GRID1: variants seen among roughly 807,000 people sequenced by gnomAD.
GRID1 encodes glutamate receptor ionotropic, delta-1.
In GRID1, 28 loss-of-function variants were observed where a neutral mutation model predicts 98.0. That is an observed-to-expected ratio of 0.29 (90% CI 0.21 to 0.39). GRID1 has a LOEUF of 0.39. Ranked by LOEUF, GRID1 falls within the 10% of genes least tolerant of loss-of-function variation. The pLI, the probability that GRID1 is intolerant of heterozygous loss-of-function variation, is 1.00. For synonymous variants in GRID1, 553 were observed against 538.5 expected (o/e 1.03, Z -0.37); for missense variants, 1,111 against 1,340.5 (o/e 0.83, Z 2.67).
chr10:85,853,980 C>A, intron 8 of GRID1, among the ~76,000 whole-genome samples: 1 of 152,236 alleles, frequency 6.6e-6, no homozygotes. Context: ...AAACCTCAGT[C>A]TGAGTTGTTC....
chr10:86,028,519 G>A (rs1342354236), intron 4 of GRID1, among the ~76,000 whole-genome samples: 1 of 152,180 alleles, frequency 6.6e-6, no homozygotes, highest in Non-Finnish European at 1.5e-5. Context: ...TAGAAATGAT[G>A]AGAACTATCT....
intron 8 of GRID1, among the ~76,000 whole-genome samples, chr10:85,840,591 T>C (rs1043307635): frequency 4.6e-5 from 7 of 152,136 alleles, no homozygotes; most frequent in Admixed American, 4.6e-4. Context: ...GAAAACCACA[T>C]AGACTCTGAT....
intron 6 of GRID1, among the ~76,000 whole-genome samples, chr10:85,859,236 T>G (rs1274084169): frequency 6.6e-6 from 1 of 152,254 alleles, no homozygotes; most frequent in African/African-American, 2.4e-5. Context: ...TGGTGCTTAA[T>G]GTATGTTTCA....
At chr10:85,791,847 T>C (rs1842483573) in intron 8 of GRID1, among the ~76,000 whole-genome samples, 1 of 151,540 alleles carries the variant, frequency 6.6e-6, no homozygotes, top group Admixed American at 6.6e-5. Flanking sequence ...GAAAAGCAAA[T>C]AGTTCAGCTT....
intron 4 of GRID1, among the ~76,000 whole-genome samples, chr10:86,133,795 G>A (rs1026280155): frequency 6.6e-6 from 1 of 152,216 alleles, no homozygotes; most frequent in East Asian, 1.9e-4. Context: ...CTAGTTACAG[G>A]GACAGATTAT....
intron 5 of GRID1, among the ~76,000 whole-genome samples, chr10:85,876,134 T>A (rs1255674943): frequency 6.6e-6 from 1 of 152,236 alleles, no homozygotes; most frequent in Non-Finnish European, 1.5e-5. Flanking sequence ...TTCCCACAGC[T>A]GCATTAACAA....
intron 2 of GRID1, among the ~76,000 whole-genome samples, chr10:86,251,457 C>G (rs1846830769): frequency 6.6e-6 from 1 of 152,302 alleles, no homozygotes; most frequent in South Asian, 2.1e-4. Flanking sequence ...TCCTCATACC[C>G]GAGGCTCAGT....
At chr10:85,785,511 T>C (rs566035994) in intron 8 of GRID1, among the ~76,000 whole-genome samples, 1 of 152,322 alleles carries the variant, frequency 6.6e-6, no homozygotes, top group African/African-American at 2.4e-5. Flanking sequence ...TTCCCCTCCA[T>C]AAGCTGGATG....
intron 8 of GRID1, among the ~76,000 whole-genome samples, chr10:85,819,738 AC>A (rs1254411165): frequency 6.6e-6 from 1 of 151,888 alleles, no homozygotes; most frequent in East Asian, 1.9e-4. Flanking sequence ...ACACGGTGAA[AC>A]CCTGTCTCTA....
intron 8 of GRID1, among the ~76,000 whole-genome samples, chr10:85,851,718 T>A (rs1163083355): frequency 6.6e-6 from 1 of 152,142 alleles, no homozygotes; most frequent in African/African-American, 2.4e-5. Context: ...CTGCCCAGCA[T>A]CACAGGATCT....
At chr10:85,685,965 T>C (rs1439635556) in intron 12 of GRID1, among the ~76,000 whole-genome samples, 1 of 151,974 alleles carries the variant, frequency 6.6e-6, no homozygotes, top group African/African-American at 2.4e-5. Context: ...AATGGAAAGA[T>C]AGATATACTA....
At chr10:85,944,429 T>C (rs1842030373) in intron 4 of GRID1, among the ~76,000 whole-genome samples, 1 of 152,220 alleles carries the variant, frequency 6.6e-6, no homozygotes, top group African/African-American at 2.4e-5. Flanking sequence ...TGGAAAGAAA[T>C]AATATTTCTA....
At chr10:86,042,557 T>C (rs890758800) in intron 4 of GRID1, among the ~76,000 whole-genome samples, 1 of 152,058 alleles carries the variant, frequency 6.6e-6, no homozygotes, top group African/African-American at 2.4e-5. Context: ...CATGGGGGCC[T>C]GGAAATAGCA....
intron 3 of GRID1, among the ~76,000 whole-genome samples, chr10:86,186,688 G>A (rs1005263711): frequency 3.3e-5 from 5 of 152,114 alleles, no homozygotes; most frequent in African/African-American, 9.7e-5. Context: ...AACTCCATGG[G>A]GCCAGTTTTT....
chr10:86,170,434 A>G (rs890756271), intron 3 of GRID1, among the ~76,000 whole-genome samples: 35 of 152,212 alleles, frequency 2.3e-4, no homozygotes, highest in Admixed American at 2.3e-3. Context: ...TGGCCCTAGC[A>G]CAGTGCCTGC....
chr10:85,757,959 G>T (rs1842114663), intron 8 of GRID1, among the ~76,000 whole-genome samples: 1 of 152,200 alleles, frequency 6.6e-6, no homozygotes, highest in Non-Finnish European at 1.5e-5. Context: ...CAGGGGCCAG[G>T]AATTTTATAT....
chr10:86,083,360 G>A (rs962811510), intron 4 of GRID1, among the ~76,000 whole-genome samples: 5 of 152,170 alleles, frequency 3.3e-5, no homozygotes, highest in Admixed American at 1.3e-4. Flanking sequence ...TAAGCCCAGC[G>A]TGGTGTCGCT....
chr10:86,021,343 T>G (rs932469067), intron 4 of GRID1, among the ~76,000 whole-genome samples: 2 of 152,162 alleles, frequency 1.3e-5, no homozygotes, highest in Admixed American at 6.5e-5. Flanking sequence ...AACAATGCTG[T>G]GATCTGATCT....
rs1327681582 is a variant in GRID1, at chr10:85,602,437, TCAGCGG to T, written c.2860_2865del (p.Pro954_Leu955del). 4 of 1,614,042 alleles carry T rather than the reference TCAGCGG, an allele frequency of 2.5e-6. No homozygotes were observed. The highest frequency in any genetic ancestry group is 3.4e-6 in the Non-Finnish European group (4 of 1,180,044). On this transcript the variant is annotated inframe_deletion, in exon 16 of 16. Transcript: ENST00000327946. ...ATGGAGGGCATGGTCGCCGAGCTGCTCAGCGGCAGCGGCAGGTTGCTGCTGGGCCCT... is the reference window on the plus strand; with the variant it reads ...ATGGAGGGCATGGTCGCCGAGCTGCTCAGCGGCAGGTTGCTGCTGGGCCCT...
Sources: gnomAD v4.1 joint callset for allele counts (sites outside exome capture counted in the v4.1 genomes callset) on GRCh38, gnomAD v4.1.1 for gene constraint, MANE v1.5 for transcripts, NCBI Gene and HGNC (gene_info 2026-07-23, HGNC 2026-07-21) for gene names.